The following ZNF700 variants were observed in gnomAD, a reference collection of about 807,000 sequenced individuals.
The protein encoded by ZNF700 is zinc finger protein 700.
A neutral mutation model predicts 65.3 loss-of-function variants in ZNF700; 38 were observed. The observed-to-expected ratio is 0.58, with a 90% confidence interval of 0.45 to 0.76. The LOEUF is 0.76. ZNF700 is among the 30% of genes least tolerant of loss of function. ZNF700 has a pLI of 0.00. For missense variants in ZNF700, 857 were observed against 888.4 expected (o/e 0.96, Z 0.45); for synonymous variants, 285 against 290.4 (o/e 0.98, Z 0.19).
chr19:11,927,445 A>C (rs1398115022), intron 1 of ZNF700, among the ~76,000 whole-genome samples: 2 of 150,888 alleles, frequency 1.3e-5, no homozygotes, highest in Non-Finnish European at 3.0e-5. Flanking sequence ...TAAATAAATA[A>C]ATAAATAAAT....
At position 11,947,514 on chromosome 19, in the gene ZNF700, GA is replaced by G; in HGVS notation, c.198del (p.Lys66AsnfsTer22). On this transcript the variant is annotated frameshift_variant and splice_region_variant, in exon 3 of 4. Coordinates refer to ENST00000254321, the MANE Select transcript of ZNF700 (RefSeq NM_144566.3). LOFTEE classifies it high-confidence loss of function. The stretch of plus-strand genomic sequence containing the variant: ...CTATTTTTCTGTGTCTGTATTTTAG[GA>G]AAAAAATGGAGTGACCAGAACATTG... ...LETFRNLTSI[G>X]KKWSDQNIEY... The G allele has an allele frequency of 1.2e-6, 2 of 1,610,204 alleles. No homozygotes were observed. The highest frequency in any genetic ancestry group is 1.3e-5 in the African/African-American group (1 of 74,712).
chr19:11,933,321 C>T lies in ZNF700; in HGVS notation c.63+8048C>T, dbSNP rs184521124. Among the ~76,000 whole-genome samples the T allele has an allele frequency of 4.1e-5, 6 of 148,142 alleles. 1 individual carries two copies. Among genetic ancestry groups the T allele is most frequent in the African/African-American group, 1.6e-4 (6 of 37,930 alleles). On this transcript the variant is annotated intron_variant, in intron 1 of 3. Transcript: ENST00000254321. The stretch of plus-strand genomic sequence containing the variant: ...TGTGTAGTGTATCCTATAATTGATG[C>T]AAGAATATATTACATGTGAACACGA...
intron 2 of ZNF700, 84 bp downstream of exon 2, chr19:11,947,391 TAGAC>T (rs1477408540): frequency 2.1e-5 from 33 of 1,606,628 alleles, no homozygotes; most frequent in Non-Finnish European, 2.6e-5. Flanking sequence ...ATTTTGAACA[TAGAC>T]AGGAAATACC....
chr19:11,927,790 T>G (rs1319438198), intron 1 of ZNF700, among the ~76,000 whole-genome samples: 1 of 152,234 alleles, frequency 6.6e-6, no homozygotes, highest in Non-Finnish European at 1.5e-5. Context: ...GCAGGCATCT[T>G]CAGGCTGTTT....
intron 1 of ZNF700, among the ~76,000 whole-genome samples, chr19:11,935,987 T>G (rs1972789637): frequency 6.6e-6 from 1 of 152,192 alleles, no homozygotes; most frequent in South Asian, 2.1e-4. Context: ...GATAGTCTGC[T>G]GAGTATGATG....
Position 11,929,704 on chromosome 19 carries a change from C to T in ZNF700, c.63+4431C>T, listed in dbSNP as rs964195609. 4.1e-5 allele frequency among the ~76,000 whole-genome samples: 6 copies of T among 147,966 alleles called. 1 individual carries two copies. Among genetic ancestry groups the T allele is most frequent in the Non-Finnish European group, 5.9e-5 (4 of 67,888 alleles). ...ACACTTTCCAGGGCAACTGGTTCCC[C>T]CTTATATTTTCCAAATATATGGGAT... On this transcript the variant is annotated intron_variant, in intron 1 of 3. Transcript: ENST00000254321.
chr19:11,932,961 T>C (rs1972737566), intron 1 of ZNF700, among the ~76,000 whole-genome samples: 1 of 148,486 alleles, frequency 6.7e-6, no homozygotes. Context: ...TATATTGGAT[T>C]TTATTTAAAC....
At position 11,925,406 on chromosome 19, in the gene ZNF700, C is replaced by T. The variant is rs1972610551; in HGVS notation, c.63+133C>T. 3 of 1,404,352 alleles carry T rather than the reference C, an allele frequency of 2.1e-6. No individual in the cohort carries two copies. The East Asian group carries it at 8.6e-5, about 40-fold the overall frequency. The allele number at this position is 1,404,352 out of a possible 1,614,324, so 87.0% of individuals were successfully genotyped here. Reference sequence around the variant, plus strand: ...GGGACCGAGTCCTCCTTGAGCAGTTCGGCCCTCGGTCCCCTTGGCCGCTGG... The same window carrying T: ...GGGACCGAGTCCTCCTTGAGCAGTTTGGCCCTCGGTCCCCTTGGCCGCTGG... On this transcript the variant is annotated intron_variant, in intron 1 of 3. Coordinates refer to ENST00000254321, the MANE Select transcript of ZNF700 (RefSeq NM_144566.3).
chr19:11,936,257 C>T (rs904964885), intron 1 of ZNF700, among the ~76,000 whole-genome samples: 3 of 152,142 alleles, frequency 2.0e-5, no homozygotes, highest in Admixed American at 6.6e-5. Context: ...CTTGAGGAAT[C>T]GCCACACTGT....
In ZNF700 at chr19:11,929,225, G is replaced by A. The variant is rs549012141; in HGVS notation, c.63+3952G>A. 1.0e-3 allele frequency among the ~76,000 whole-genome samples: 155 copies of A among 148,488 alleles called. 24 individuals carry two copies. Among genetic ancestry groups the A allele is most frequent in the African/African-American group, 3.6e-3 (137 of 38,146 alleles). On this transcript the variant is annotated intron_variant, in intron 1 of 3. Transcript: ENST00000254321. ...CTGTCACCCAGGCTGGAGTGCAGGC[G>A]CGATCTCAGCTCACTGCAGCCTCCG...
intron 1 of ZNF700, among the ~76,000 whole-genome samples, chr19:11,929,236 T>C (rs1260822517): frequency 6.7e-6 from 1 of 148,602 alleles, no homozygotes; most frequent in Non-Finnish European, 1.5e-5. Context: ...CGATCTCAGC[T>C]CACTGCAGCC....
intron 1 of ZNF700, among the ~76,000 whole-genome samples, chr19:11,928,586 G>A (rs1001919633): frequency 6.7e-6 from 1 of 149,686 alleles, no homozygotes; most frequent in African/African-American, 2.5e-5. Context: ...CAAAAAATTA[G>A]CCGGGCGTAG....
At chr19:11,942,531 G>A (rs1282821245) in intron 1 of ZNF700, among the ~76,000 whole-genome samples, 1 of 152,136 alleles carries the variant, frequency 6.6e-6, no homozygotes, top group Non-Finnish European at 1.5e-5. Flanking sequence ...TATTCGGCCA[G>A]GAGCGTCAGC....
intron 1 of ZNF700, among the ~76,000 whole-genome samples, chr19:11,934,634 C>G (rs752106955): frequency 1.0e-4 from 15 of 147,078 alleles, no homozygotes. Flanking sequence ...TCAAACGATT[C>G]TCCTGACTCA....
At position 11,950,670 on chromosome 19, in the gene ZNF700, ATAAT is replaced by A; in HGVS notation, c.*422_*425del. 3.4e-6 allele frequency: 1 copy of A among 290,264 alleles called. No individual in the cohort carries two copies. The highest frequency in any genetic ancestry group is 4.5e-5 in the Admixed American group (1 of 22,080). 18.0% of individuals were successfully genotyped at this position (290,264 alleles called of 1,614,324 possible). ...ATCTGCCAAGATTCTTTGAATACAG[ATAAT>A]TAATGTAAACAATTATCATAAGTAT... On this transcript the variant is annotated 3_prime_UTR_variant, in exon 4 of 4. Coordinates refer to ENST00000254321, the MANE Select transcript of ZNF700 (RefSeq NM_144566.3).
chr19:11,948,907 A>G lies in ZNF700; in HGVS notation c.883A>G (p.Arg295Gly). The G allele has an allele frequency of 6.2e-7, 1 of 1,605,742 alleles. No homozygotes were observed. Among genetic ancestry groups the G allele is most frequent in the Non-Finnish European group, 8.5e-7 (1 of 1,178,204 alleles). Reference sequence around the variant, plus strand: ...ATTTCATAGTTCTAGTTCCTATCATAGACATGAAAGAAGTCACATGGGAGA... The same window carrying G: ...ATTTCATAGTTCTAGTTCCTATCATGGACATGAAAGAAGTCACATGGGAGA... ...KAFHSSSSYH[R>G]HERSHMGEKP... The change falls in exon 4 of 4, where the codon AGA becomes GGA. Residue 295 changes from arginine (R) to glycine (G), a missense_variant. Arg to Gly is a moderately radical substitution (Grantham distance 125). Around this residue, in one of 3 missense-constraint regions of ZNF700, gnomAD observed 603 missense variants for 619.9 expected, o/e 0.97. Transcript: ENST00000254321.
chr19:11,934,212 G>A (rs1236163035), intron 1 of ZNF700, among the ~76,000 whole-genome samples: 1 of 148,070 alleles, frequency 6.8e-6, no homozygotes, highest in Non-Finnish European at 1.5e-5. Flanking sequence ...CCTTGTTTGA[G>A]TCTAGTTTTT....
At chr19:11,939,440 A>G (rs1185530471) in intron 1 of ZNF700, among the ~76,000 whole-genome samples, 6 of 152,222 alleles carry the variant, frequency 3.9e-5, no homozygotes, top group Admixed American at 3.3e-4. Flanking sequence ...AGCTTTCTAC[A>G]TATGGCTAGC....
intron 1 of ZNF700, among the ~76,000 whole-genome samples, chr19:11,935,969 G>A (rs969162023): frequency 6.6e-5 from 10 of 152,144 alleles, no homozygotes; most frequent in African/African-American, 2.2e-4. Flanking sequence ...TTGGTTTTCT[G>A]TTCTTGTGAT....
Sources: gnomAD v4.1 joint callset for allele counts (sites outside exome capture counted in the v4.1 genomes callset) on GRCh38, gnomAD v4.1.1 for gene constraint, gnomAD v4.1.1 regional missense constraint, MANE v1.5 for transcripts, NCBI Gene and HGNC (gene_info 2026-07-23, HGNC 2026-07-21) for gene names.